ATXN1: variants seen among roughly 807,000 people sequenced by gnomAD.
ATXN1 encodes the protein ataxin 1.
Under a neutral mutation model 56.4 loss-of-function variants are expected in ATXN1, and 8 were observed. The observed-to-expected ratio is 0.14, with a 90% CI of 0.08 to 0.26. The LOEUF (loss-of-function observed/expected upper bound fraction) is 0.26, where lower values mean the gene tolerates loss of function less well. Ranked by LOEUF, ATXN1 falls within the 10% of genes least tolerant of loss-of-function variation. The pLI is 1.00. For synonymous variants in ATXN1, 514 were observed against 494.6 expected (o/e 1.04, Z -0.52); for missense variants, 987 against 1,106.5 (o/e 0.89, Z 1.53).
At chr6:16,399,623 T>C (rs1240593275) in intron 6 of ATXN1, among the ~76,000 whole-genome samples, 1 of 152,204 alleles carries the variant, frequency 6.6e-6, no homozygotes, top group East Asian at 1.9e-4. Flanking sequence ...TCTAACCCTC[T>C]GGCTCTCAAC....
chr6:16,378,637 G>A (rs372280090), intron 6 of ATXN1, among the ~76,000 whole-genome samples: 50 of 152,090 alleles, frequency 3.3e-4, no homozygotes, highest in East Asian at 3.1e-3. Context: ...ACGGCTCACC[G>A]CAGCCTTGAC....
intron 6 of ATXN1, among the ~76,000 whole-genome samples, chr6:16,468,348 G>A (rs1760149174): frequency 6.6e-6 from 1 of 152,102 alleles, no homozygotes; most frequent in Admixed American, 6.5e-5. Context: ...ACCACGCGTG[G>A]CTAATTTGGT....
At chr6:16,311,355 C>T (rs190118569) in intron 7 of ATXN1, among the ~76,000 whole-genome samples, 63 of 152,300 alleles carry the variant, frequency 4.1e-4, no homozygotes, top group Non-Finnish European at 7.8e-4. Context: ...GCCTCCTGAC[C>T]TCTACCCTTG....
intron 6 of ATXN1, among the ~76,000 whole-genome samples, chr6:16,343,612 T>C (rs1761307883): frequency 1.3e-5 from 2 of 152,174 alleles, no homozygotes; most frequent in East Asian, 1.9e-4. Context: ...TGCTCTATCA[T>C]GTCATTGCTC....
chr6:16,428,721 A>C (rs977553483), intron 6 of ATXN1, among the ~76,000 whole-genome samples: 4 of 152,126 alleles, frequency 2.6e-5, no homozygotes, highest in African/African-American at 7.2e-5. Flanking sequence ...TCCAGCTAAC[A>C]CCCAACCATC....
chr6:16,626,729 G>A (rs2113806159), intron 3 of ATXN1, among the ~76,000 whole-genome samples: 1 of 152,276 alleles, frequency 6.6e-6, no homozygotes, highest in South Asian at 2.1e-4. Flanking sequence ...GAATATAACT[G>A]TATTTGGAAA....
chr6:16,458,761 C>T lies in ATXN1; in HGVS notation c.-161+27211G>A, dbSNP rs114718414. Among the ~76,000 whole-genome samples, 887 of 152,310 alleles carry T rather than the reference C, an allele frequency of 5.8e-3. 10 individuals carry two copies. The highest frequency in any genetic ancestry group is 0.019 in the African/African-American group (801 of 41,564). The stretch of plus-strand genomic sequence containing the variant: ...ACTGTCCAACAAGAAACAAGCTACT[C>T]CCTCACCCATGTCCACTATGCCAAG... On this transcript the variant is annotated intron_variant, in intron 6 of 7. Coordinates refer to ENST00000436367, the MANE Select transcript of ATXN1 (RefSeq NM_001128164.2).
At chr6:16,661,885 T>A (rs549733548) in intron 2 of ATXN1, among the ~76,000 whole-genome samples, 89 of 152,242 alleles carry the variant, frequency 5.8e-4, no homozygotes, top group Non-Finnish European at 1.0e-3. Context: ...ACAACTTGAC[T>A]ACAACCTCAT....
intron 2 of ATXN1, among the ~76,000 whole-genome samples, chr6:16,685,020 A>C (rs1758888591): frequency 6.6e-6 from 1 of 150,934 alleles, no homozygotes; most frequent in Admixed American, 6.6e-5. Flanking sequence ...TTCTACAGAC[A>C]ACACACACAC....
intron 3 of ATXN1, among the ~76,000 whole-genome samples, chr6:16,635,503 C>T (rs1268949006): frequency 6.6e-6 from 1 of 152,056 alleles, no homozygotes; most frequent in Non-Finnish European, 1.5e-5. Context: ...TACACACTGC[C>T]CAGAAACTGA....
chr6:16,592,719 C>T (rs1581867858), intron 3 of ATXN1, among the ~76,000 whole-genome samples: 1 of 152,000 alleles, frequency 6.6e-6, no homozygotes, highest in Admixed American at 6.6e-5. Flanking sequence ...AGAATGGAGC[C>T]GCTAACCTTT....
intron 6 of ATXN1, among the ~76,000 whole-genome samples, chr6:16,388,626 A>G (rs963639945): frequency 3.9e-5 from 6 of 152,222 alleles, no homozygotes; most frequent in Non-Finnish European, 7.3e-5. Flanking sequence ...CATTTTATGG[A>G]CCATATCAGA....
intron 3 of ATXN1, among the ~76,000 whole-genome samples, chr6:16,654,565 A>G (rs767456362): frequency 6.6e-4 from 22 of 33,472 alleles, no homozygotes; most frequent in East Asian, 8.1e-4. Context: ...AAAAAAAAAA[A>G]AGAGAGAGAG....
chr6:16,725,280 A>G (rs1434056128), intron 2 of ATXN1, among the ~76,000 whole-genome samples: 1 of 152,200 alleles, frequency 6.6e-6, no homozygotes, highest in Non-Finnish European at 1.5e-5. Flanking sequence ...GAGAACTGCT[A>G]TTTATTACTC....
At chr6:16,613,067 C>T (rs1763140900) in intron 3 of ATXN1, among the ~76,000 whole-genome samples, 3 of 150,316 alleles carry the variant, frequency 2.0e-5, no homozygotes. Context: ...AGATCGAGAC[C>T]ATCCTGGCTA....
At chr6:16,688,217 T>C (rs1421569609) in intron 2 of ATXN1, among the ~76,000 whole-genome samples, 1 of 152,222 alleles carries the variant, frequency 6.6e-6, no homozygotes, top group African/African-American at 2.4e-5. Context: ...AGACATATCA[T>C]TTAGGAGCTT....
intron 7 of ATXN1, among the ~76,000 whole-genome samples, chr6:16,321,873 G>A (rs1379933834): frequency 1.3e-5 from 2 of 152,174 alleles, no homozygotes; most frequent in African/African-American, 4.8e-5. Flanking sequence ...GTTCTGGAAA[G>A]TATAAAAGTG....
chr6:16,362,342 T>G (rs1419279463), intron 6 of ATXN1, among the ~76,000 whole-genome samples: 1 of 152,066 alleles, frequency 6.6e-6, no homozygotes, highest in Non-Finnish European at 1.5e-5. Flanking sequence ...TGTTGGAGCT[T>G]CAGAGAAAGG....
intron 2 of ATXN1, among the ~76,000 whole-genome samples, chr6:16,733,416 A>G (rs566169514): frequency 2.6e-5 from 4 of 152,222 alleles, no homozygotes; most frequent in Admixed American, 2.6e-4. Flanking sequence ...TTTAAAAATT[A>G]GTTGGGTGTG....
Sources: gnomAD v4.1 joint callset for allele counts (sites outside exome capture counted in the v4.1 genomes callset) on GRCh38, gnomAD v4.1.1 for gene constraint, MANE v1.5 for transcripts, NCBI Gene and HGNC (gene_info 2026-07-23, HGNC 2026-07-21) for gene names.